The following HPSE2 variants were observed in gnomAD, a reference collection of about 807,000 sequenced individuals.
The protein encoded by HPSE2 is heparanase 2 (inactive).
In HPSE2, 38 loss-of-function variants were observed where a neutral mutation model predicts 60.5. That is an observed-to-expected ratio of 0.63 (90% CI 0.48 to 0.82). HPSE2 has a LOEUF of 0.82. Among genes scored for constraint, HPSE2 ranks in the 40% least tolerant of loss-of-function variants. The pLI is 0.00. For missense variants in HPSE2, 713 were observed against 740.4 expected (o/e 0.96, Z 0.43); for synonymous variants, 295 against 293.2 (o/e 1.01, Z -0.06).
chr10:98,617,406 T>A (rs901927925), intron 8 of HPSE2, among the ~76,000 whole-genome samples: 5 of 152,296 alleles, frequency 3.3e-5, no homozygotes, highest in African/African-American at 1.2e-4. Flanking sequence ...CTGCATAGAG[T>A]ATATACTCAA....
At chr10:99,119,016 A>C (rs184348475) in intron 3 of HPSE2, among the ~76,000 whole-genome samples, 2 of 151,494 alleles carry the variant, frequency 1.3e-5, no homozygotes, top group African/African-American at 4.8e-5. Flanking sequence ...ATGAAAAGAA[A>C]GAAAGAAAGG....
intron 9 of HPSE2, among the ~76,000 whole-genome samples, chr10:98,543,384 G>A (rs1943544368): frequency 6.6e-6 from 1 of 152,086 alleles, no homozygotes; most frequent in Non-Finnish European, 1.5e-5. Context: ...ATGCCAAAAT[G>A]TAAAGACCAA....
chr10:98,702,749 C>T (rs1255176642), intron 5 of HPSE2, among the ~76,000 whole-genome samples: 4 of 151,966 alleles, frequency 2.6e-5, no homozygotes, highest in East Asian at 3.9e-4. Flanking sequence ...AAAACAGAGA[C>T]GAGACAACGT....
At chr10:98,612,719 A>T (rs1945795908) in intron 9 of HPSE2, among the ~76,000 whole-genome samples, 1 of 152,248 alleles carries the variant, frequency 6.6e-6, no homozygotes, top group Non-Finnish European at 1.5e-5. Context: ...TGAACTGTAC[A>T]TTGTTAAGTA....
At chr10:98,480,093 ATT>A (rs35831340) in intron 11 of HPSE2, among the ~76,000 whole-genome samples, 7 of 145,166 alleles carry the variant, frequency 4.8e-5, no homozygotes, top group Non-Finnish European at 1.1e-4. Context: ...CCTCTCCTAC[ATT>A]TTTTTTTTTT....
intron 3 of HPSE2, among the ~76,000 whole-genome samples, chr10:98,989,728 A>T (rs896084176): frequency 4.6e-5 from 7 of 152,192 alleles, no homozygotes; most frequent in Non-Finnish European, 8.8e-5. Flanking sequence ...AGCAGTTTTG[A>T]ATATTTCATG....
intron 3 of HPSE2, among the ~76,000 whole-genome samples, chr10:98,963,273 T>C (rs1955728209): frequency 6.6e-6 from 1 of 152,136 alleles, no homozygotes; most frequent in African/African-American, 2.4e-5. Context: ...TTGCAGAAAA[T>C]TTAGACAATA....
At chr10:98,620,180 C>T (rs867888705) in intron 8 of HPSE2, among the ~76,000 whole-genome samples, 10 of 152,232 alleles carry the variant, frequency 6.6e-5, no homozygotes, top group Non-Finnish European at 1.3e-4. Context: ...TTACCTCCTA[C>T]AGCTTTACAA....
intron 3 of HPSE2, among the ~76,000 whole-genome samples, chr10:98,797,597 A>T (rs900300815): frequency 6.6e-6 from 1 of 152,110 alleles, no homozygotes; most frequent in Non-Finnish European, 1.5e-5. Context: ...TAATCCCAGC[A>T]CTTTGGGAGG....
intron 3 of HPSE2, among the ~76,000 whole-genome samples, chr10:99,132,211 G>GAA (rs1564833041): frequency 1.1e-4 from 2 of 18,478 alleles, no homozygotes; most frequent in Admixed American, 7.9e-4. Flanking sequence ...GAGAGAGAGA[G>GAA]AGAGAGAGAG....
intron 3 of HPSE2, among the ~76,000 whole-genome samples, chr10:99,052,509 A>T (rs1243517823): frequency 6.6e-6 from 1 of 152,132 alleles, no homozygotes; most frequent in African/African-American, 2.4e-5. Context: ...ATTATGAAAA[A>T]AAAATGGATG....
intron 3 of HPSE2, among the ~76,000 whole-genome samples, chr10:99,001,207 C>A (rs1429302309): frequency 1.3e-5 from 2 of 152,004 alleles, no homozygotes; most frequent in Non-Finnish European, 2.9e-5. Flanking sequence ...ATATTTAAAT[C>A]CAGATGTTTA....
intron 6 of HPSE2, among the ~76,000 whole-genome samples, chr10:98,678,385 T>C (rs1338107530): frequency 6.6e-6 from 1 of 152,200 alleles, no homozygotes; most frequent in Non-Finnish European, 1.5e-5. Context: ...CAAGCTTTAA[T>C]GCACATCAGA....
chr10:98,746,261 T>C (rs2134337422), intron 3 of HPSE2, among the ~76,000 whole-genome samples: 1 of 42,886 alleles, frequency 2.3e-5, no homozygotes, highest in East Asian at 4.2e-4. Context: ...CATTTATAGC[T>C]TAGTAAAGTG....
rs142549200 is a variant in HPSE2 at position 99,085,813 on chromosome 10, C to T, written c.610+58425G>A. ...TTCAAAGGTCAAAGGTTGGCCTCAA[C>T]TATTTTATCTCCACTATCCCTATTC... On this transcript the variant is annotated intron_variant, in intron 3 of 11. Coordinates refer to ENST00000370552, the MANE Select transcript of HPSE2 (RefSeq NM_021828.5). Among the ~76,000 whole-genome samples the T allele has an allele frequency of 5.2e-3, 787 of 152,278 alleles. 5 individuals carry two copies. Among genetic ancestry groups the T allele is most frequent in the Non-Finnish European group, 8.1e-3 (554 of 68,020 alleles).
intron 3 of HPSE2, among the ~76,000 whole-genome samples, chr10:99,039,431 A>G (rs1214258754): frequency 1.3e-5 from 2 of 152,084 alleles, no homozygotes; most frequent in Non-Finnish European, 2.9e-5. Flanking sequence ...GAACTACTGG[A>G]ATAATCAACT....
At chr10:99,210,590 T>C (rs760325313) in intron 2 of HPSE2, among the ~76,000 whole-genome samples, 21 of 152,184 alleles carry the variant, frequency 1.4e-4, no homozygotes, top group Non-Finnish European at 3.1e-4. Context: ...GTAGAATTTA[T>C]CTCAGGGATA....
chr10:98,581,755 T>G (rs974396428), intron 9 of HPSE2, among the ~76,000 whole-genome samples: 1 of 152,328 alleles, frequency 6.6e-6, no homozygotes, highest in East Asian at 1.9e-4. Context: ...TGCCAACAAT[T>G]CTAAACGTTG....
At chr10:98,573,257 A>G (rs933434207) in intron 9 of HPSE2, among the ~76,000 whole-genome samples, 1 of 152,170 alleles carries the variant, frequency 6.6e-6, no homozygotes, top group Admixed American at 6.6e-5. Context: ...TACTATTAGA[A>G]CTCTAGAACC....
Sources: allele counts gnomAD v4.1 joint callset (sites outside exome capture counted in the v4.1 genomes callset), GRCh38; gene constraint gnomAD v4.1.1; transcripts MANE v1.5; gene names NCBI Gene and HGNC (gene_info 2026-07-23, HGNC 2026-07-21).